FSHR: variants seen among roughly 807,000 people sequenced by gnomAD.
FSHR encodes follicle stimulating hormone receptor.
A neutral mutation model predicts 52.1 loss-of-function variants in FSHR; 46 were observed. That is an observed-to-expected ratio of 0.88 (90% CI 0.70 to 1.13). The LOEUF is 1.13. Among genes scored for constraint, FSHR ranks in the 50% most tolerant of loss-of-function variants. The pLI, the probability that FSHR is intolerant of heterozygous loss-of-function variation, is 0.00. For synonymous variants in FSHR, 399 were observed against 309.6 expected, an observed-to-expected ratio of 1.29 and a Z score of -3.03; for missense variants, 964 against 834.6, an observed-to-expected ratio of 1.16 and a Z score of -1.91.
chr2:49,050,859 A>C (rs1031290578), intron 2 of FSHR, among the ~76,000 whole-genome samples: 1 of 152,128 alleles, frequency 6.6e-6, no homozygotes, highest in African/African-American at 2.4e-5. Context: ...TCACCACGTT[A>C]AAAAAGTTTC....
At chr2:49,040,570 AG>A (rs1572668333) in intron 2 of FSHR, among the ~76,000 whole-genome samples, 1 of 152,180 alleles carries the variant, frequency 6.6e-6, no homozygotes, top group East Asian at 1.9e-4. Flanking sequence ...TGTTGAAAGT[AG>A]GAAGGAATAA....
rs1484731885 is a variant in FSHR at position 48,969,608 on chromosome 2, A to G, written c.669-725T>C. Among the ~76,000 whole-genome samples, 3 of 152,246 alleles carry G rather than the reference A, an allele frequency of 2.0e-5. No individual in the cohort carries two copies. In the South Asian group the frequency reaches 6.2e-4, roughly 31 times the overall value. On this transcript the variant is annotated intron_variant, in intron 8 of 9. Coordinates refer to ENST00000406846, the MANE Select transcript of FSHR (RefSeq NM_000145.4). ...GTTAAAATTAGATGAGTTAAAGTGC[A>G]TAAAGAACTTCCTGACCAACAGACA...
chr2:49,053,903 C>A (rs1668960320), intron 2 of FSHR, among the ~76,000 whole-genome samples: 1 of 152,088 alleles, frequency 6.6e-6, no homozygotes, highest in Admixed American at 6.5e-5. Context: ...CTTGACAACT[C>A]TATGACATAG....
intron 4 of FSHR, among the ~76,000 whole-genome samples, chr2:49,013,497 T>TAAAAATATATATATATATATAA (rs1270296746): frequency 1.5e-5 from 1 of 66,560 alleles, no homozygotes; most frequent in African/African-American, 3.6e-5. Flanking sequence ...TATATATATA[T>TAAAAATATATATATATATATAA]ATAAATATAT....
At position 49,133,005 on chromosome 2, in the gene FSHR, G is replaced by A. The variant is rs144369911; in HGVS notation, c.152+21261C>T. Among the ~76,000 whole-genome samples, 730 of 128,274 alleles carry A rather than the reference G, an allele frequency of 5.7e-3. 5 individuals are homozygous for A. The highest frequency in any genetic ancestry group is 0.021 in the African/African-American group (669 of 31,292). The allele number at this position is 128,274 out of a possible 152,430, so 84.2% of individuals were successfully genotyped here. On this transcript the variant is annotated intron_variant, in intron 1 of 9. Coordinates refer to ENST00000406846, the MANE Select transcript of FSHR (RefSeq NM_000145.4). ...AAAAAAAAAAAAAAAAGGCAAGTTTGTGGTATTTGAACCAAGACCGCTTGC... is the reference window on the plus strand; with the variant it reads ...AAAAAAAAAAAAAAAAGGCAAGTTTATGGTATTTGAACCAAGACCGCTTGC...
chr2:48,991,084 T>C (rs940499856), intron 4 of FSHR, among the ~76,000 whole-genome samples: 7 of 152,232 alleles, frequency 4.6e-5, no homozygotes, highest in Admixed American at 2.0e-4. Context: ...GTATGTGACC[T>C]AAGCTGGGCC....
chr2:49,059,986 T>C (rs1430844166), intron 2 of FSHR, among the ~76,000 whole-genome samples: 1 of 151,792 alleles, frequency 6.6e-6, no homozygotes, highest in Non-Finnish European at 1.5e-5. Context: ...CCAGAATATA[T>C]AAGAAACTCA....
intron 1 of FSHR, among the ~76,000 whole-genome samples, chr2:49,112,725 T>C (rs1398717789): frequency 6.6e-6 from 1 of 152,206 alleles, no homozygotes; most frequent in East Asian, 1.9e-4. Flanking sequence ...AAAAATTTCC[T>C]AATAGTTAAC....
At chr2:48,998,953 C>T (rs969553906) in intron 4 of FSHR, among the ~76,000 whole-genome samples, 1 of 151,968 alleles carries the variant, frequency 6.6e-6, no homozygotes, top group African/African-American at 2.4e-5. Context: ...TGGTAATGCA[C>T]ACAAGACTGC....
chr2:48,976,699 G>A (rs1240747924), intron 8 of FSHR, among the ~76,000 whole-genome samples: 3 of 152,062 alleles, frequency 2.0e-5, no homozygotes, highest in African/African-American at 4.8e-5. Flanking sequence ...CTTCTTCCTG[G>A]ATTAGTCTTG....
rs1558456851 is a variant in FSHR, at chr2:49,127,852, TC to T, written c.152+26413del. On this transcript the variant is annotated intron_variant, in intron 1 of 9. Transcript: ENST00000406846. ...TTCCTCTTCTTCTTCTTCTTCTTCT[TC>T]TTCTTCTTCTTCTTCTTCTTCTTCT... 2.6e-3 allele frequency among the ~76,000 whole-genome samples: 78 copies of T among 29,984 alleles called. 5 individuals are homozygous for T. Among genetic ancestry groups the T allele is most frequent in the African/African-American group, 0.018 (61 of 3,400 alleles). The allele number at this position is 29,984 out of a possible 152,430, so 19.7% of individuals were successfully genotyped here. A position where few individuals can be genotyped will look rare whatever the true frequency, so the allele number is the denominator to read the frequency against.
intron 1 of FSHR, among the ~76,000 whole-genome samples, chr2:49,149,218 T>C (rs1215954524): frequency 2.0e-5 from 3 of 151,972 alleles, no homozygotes; most frequent in Non-Finnish European, 1.5e-5. Context: ...TTTATAGTTT[T>C]GTAATCCATT....
At chr2:49,077,118 C>T (rs574562368) in intron 1 of FSHR, among the ~76,000 whole-genome samples, 66 of 152,352 alleles carry the variant, frequency 4.3e-4, no homozygotes, top group African/African-American at 1.6e-3. Flanking sequence ...CACATATTTC[C>T]CTTCCATACT....
At chr2:49,095,551 G>A (rs1670793319) in intron 1 of FSHR, among the ~76,000 whole-genome samples, 1 of 152,126 alleles carries the variant, frequency 6.6e-6, no homozygotes, top group Non-Finnish European at 1.5e-5. Context: ...GTAAATATAT[G>A]TGACCTTGGA....
chr2:48,967,757 G>C (rs1009195984), intron 9 of FSHR, among the ~76,000 whole-genome samples: 1 of 152,190 alleles, frequency 6.6e-6, no homozygotes, highest in Non-Finnish European at 1.5e-5. Context: ...TTTGGAGCAA[G>C]GAATATGTCC....
At chr2:49,152,287 A>T (rs890591772) in intron 1 of FSHR, among the ~76,000 whole-genome samples, 3 of 151,944 alleles carry the variant, frequency 2.0e-5, no homozygotes, top group African/African-American at 7.2e-5. Flanking sequence ...TGTTCATCAC[A>T]CTCTCTCACA....
intron 4 of FSHR, among the ~76,000 whole-genome samples, chr2:49,014,269 A>G (rs1007988076): frequency 3.3e-5 from 5 of 152,170 alleles, no homozygotes; most frequent in Non-Finnish European, 7.4e-5. Flanking sequence ...AAGCAGGTTT[A>G]AAATGCCCTG....
intron 1 of FSHR, among the ~76,000 whole-genome samples, chr2:49,084,971 C>T (rs553361483): frequency 5.1e-4 from 78 of 151,884 alleles, no homozygotes; most frequent in East Asian, 7.7e-4. Context: ...TAGAAAAAGA[C>T]GGAATCCTCC....
chr2:49,153,444 CAAA>C (rs1673132394), intron 1 of FSHR, among the ~76,000 whole-genome samples: 1 of 152,008 alleles, frequency 6.6e-6, no homozygotes, highest in African/African-American at 2.4e-5. Context: ...CAAAACAAAA[CAAA>C]ACAGTAGACT....
Sources: allele counts gnomAD v4.1 joint callset (sites outside exome capture counted in the v4.1 genomes callset), GRCh38; gene constraint gnomAD v4.1.1; transcripts MANE v1.5; gene names NCBI Gene and HGNC (gene_info 2026-07-23, HGNC 2026-07-21).